STUM: variants seen among roughly 807,000 people sequenced by gnomAD.
The protein encoded by STUM is protein stum homolog.
STUM carries 8 observed loss-of-function variants against 15.3 expected under a neutral mutation model. The ratio of observed to expected loss-of-function variants is 0.52; its 90% CI spans 0.31 to 0.94. The LOEUF (loss-of-function observed/expected upper bound fraction) is 0.94, where lower values mean the gene tolerates loss of function less well. Ranked by LOEUF, STUM falls within the 40% of genes least tolerant of loss-of-function variation. STUM has a pLI of 0.05. For missense variants in STUM, 142 were observed against 204.9 expected (o/e 0.69, Z 1.87); for synonymous variants, 78 against 88.7 (o/e 0.88, Z 0.68).
intron 1 of STUM, among the ~76,000 whole-genome samples, chr1:226,561,773 T>G (rs1249311695): frequency 1.3e-5 from 2 of 152,170 alleles, no homozygotes; most frequent in Non-Finnish European, 2.9e-5. Flanking sequence ...AGGATATTTA[T>G]TTGCATGATT....
chr1:226,595,444 C>T (rs1668163383), intron 1 of STUM, among the ~76,000 whole-genome samples: 1 of 152,158 alleles, frequency 6.6e-6, no homozygotes, highest in East Asian at 1.9e-4. Context: ...GTCTAGGAAC[C>T]CCTCAATCCC....
rs565185195 is a variant in STUM at position 226,590,148 on chromosome 1, G to A, written c.203-6654G>A. On this transcript the variant is annotated intron_variant, in intron 1 of 3. Coordinates refer to ENST00000366788, the MANE Select transcript of STUM (RefSeq NM_001003665.4). ...TTCATGTCCACTTATCCCCTACTTG[G>A]TTATGTCTTCACCCTGTCCCCCGAC... 7.9e-5 allele frequency among the ~76,000 whole-genome samples: 12 copies of A among 151,606 alleles called. No individual in the cohort carries two copies. In the South Asian group the frequency reaches 2.5e-3, roughly 32 times the overall value.
intron 2 of STUM, chr1:226,597,285 T>G: frequency 1.8e-6 from 1 of 563,624 alleles, no homozygotes; most frequent in Non-Finnish European, 3.5e-6. Flanking sequence ...CAAAATCAAG[T>G]TTACCAAAGA....
chr1:226,566,420 C>G (rs977505647), intron 1 of STUM, among the ~76,000 whole-genome samples: 2 of 152,094 alleles, frequency 1.3e-5, no homozygotes, highest in Non-Finnish European at 2.9e-5. Context: ...AGAGATTCAG[C>G]CAGGCTAAAT....
At chr1:226,593,673 C>G (rs967312181) in intron 1 of STUM, among the ~76,000 whole-genome samples, 1 of 152,174 alleles carries the variant, frequency 6.6e-6, no homozygotes, top group Non-Finnish European at 1.5e-5. Flanking sequence ...GGCTGTCCAT[C>G]CGGCGAGAGT....
In STUM at chr1:226,548,814, G is replaced by A; in HGVS notation, c.-91G>A. The A allele has an allele frequency of 9.1e-7, 1 of 1,094,918 alleles. No individual in the cohort carries two copies. The highest frequency in any genetic ancestry group is 1.2e-6 in the Non-Finnish European group (1 of 865,746). 67.8% of individuals were successfully genotyped at this position (1,094,918 alleles called of 1,614,324 possible). On this transcript the variant is annotated 5_prime_UTR_variant, in exon 1 of 4. Transcript: ENST00000366788. ...GGCGGCCGCCTGAGCTCGGCGCGGA[G>A]CCCGGAGCCCGCAGCCGACAGTCTC...
intron 1 of STUM, among the ~76,000 whole-genome samples, chr1:226,550,735 A>C (rs1667361474): frequency 6.6e-6 from 1 of 152,116 alleles, no homozygotes; most frequent in Non-Finnish European, 1.5e-5. Context: ...CAGCCCCAGG[A>C]GACAGCAGCT....
rs546139392 is a variant in STUM at position 226,548,933 on chromosome 1, C to T, written c.29C>T (p.Thr10Met). Residue 10 changes from threonine to methionine, a missense_variant, in exon 1 of 4, where the codon ACG (threonine) becomes ATG (methionine). Physicochemically the swap from Thr to Met is moderately conservative, Grantham distance 81 (BLOSUM62 -1). Transcript: ENST00000366788. MEPSHKDAETAAAAAAVAAA... is the reference protein window; with the variant it reads MEPSHKDAEMAAAAAAVAAA... Reference sequence around the variant, plus strand: ...GAGCCCTCGCACAAAGACGCCGAGACGGCGGCGGCGGCGGCGGCGGTGGCG... The same window carrying T: ...GAGCCCTCGCACAAAGACGCCGAGATGGCGGCGGCGGCGGCGGCGGTGGCG... 7.2e-7 allele frequency: 1 copy of T among 1,394,328 alleles called. No individual in the cohort carries two copies. The highest frequency in any genetic ancestry group is 9.3e-7 in the Non-Finnish European group (1 of 1,074,070). The allele number at this position is 1,394,328 out of a possible 1,614,324, so 86.4% of individuals were successfully genotyped here. A position where few individuals can be genotyped will look rare whatever the true frequency, so the allele number is the denominator to read the frequency against.
At chr1:226,599,994 A>AG (rs1006839156) in intron 2 of STUM, among the ~76,000 whole-genome samples, 1 of 152,234 alleles carries the variant, frequency 6.6e-6, no homozygotes, top group East Asian at 1.9e-4. Context: ...GAAATGGCTA[A>AG]GCACATAGCT....
rs376844920 is a variant in STUM at position 226,567,833 on chromosome 1, A to G, written c.202+18727A>G. On this transcript the variant is annotated intron_variant, in intron 1 of 3. Coordinates refer to ENST00000366788, the MANE Select transcript of STUM (RefSeq NM_001003665.4). The surrounding 1 kb of genome is among the most constrained non-coding windows in gnomAD (Gnocchi z 4.5). ...CACAGCTGAGGGGCTTGAATCATAT[A>G]GAATTATGAATCATAAAGAATTATG... Among the ~76,000 whole-genome samples, 3 of 152,254 alleles carry G rather than the reference A, an allele frequency of 2.0e-5. No individual in the cohort carries two copies. The highest frequency in any genetic ancestry group is 7.2e-5 in the African/African-American group (3 of 41,468).
chr1:226,549,276 G>A lies in STUM; in HGVS notation c.202+170G>A, dbSNP rs949455329. Among the ~76,000 whole-genome samples, 11 of 152,160 alleles carry A rather than the reference G, an allele frequency of 7.2e-5. No individual in the cohort carries two copies. The highest frequency in any genetic ancestry group is 9.6e-5 in the African/African-American group (4 of 41,458). On this transcript the variant is annotated intron_variant, in intron 1 of 3. Transcript: ENST00000366788. The surrounding 1 kb of genome is among the most constrained non-coding windows in gnomAD (Gnocchi z 6.8). ...CCCGGGCAGGTGGCAGAAGCGCGTG[G>A]AGTGTGCACCCCAGAGGGGAGAGGC...
At chr1:226,562,555 T>G (rs1174558131) in intron 1 of STUM, among the ~76,000 whole-genome samples, 1 of 152,076 alleles carries the variant, frequency 6.6e-6, no homozygotes, top group Non-Finnish European at 1.5e-5. Context: ...ACCGACATCA[T>G]GTACCTCCTG....
At chr1:226,575,603 G>T (rs1236426690) in intron 1 of STUM, among the ~76,000 whole-genome samples, 1 of 152,242 alleles carries the variant, frequency 6.6e-6, no homozygotes, top group Non-Finnish European at 1.5e-5. Flanking sequence ...AGAAGACGGG[G>T]CAAAGGCCCA....
intron 1 of STUM, among the ~76,000 whole-genome samples, chr1:226,591,871 G>A (rs1229453762): frequency 6.6e-6 from 1 of 152,090 alleles, no homozygotes; most frequent in Non-Finnish European, 1.5e-5. Flanking sequence ...TGAGGCCACA[G>A]CCACAAAGAG....
Position 226,602,791 on chromosome 1 carries a change from G to A in STUM, c.*751G>A, listed in dbSNP as rs893837224. ...TTATACACAAAGTTATTAGACTGAAGCAGGAGTGGGCAGACTAGCAGGCTT... is the reference window on the plus strand; with the variant it reads ...TTATACACAAAGTTATTAGACTGAAACAGGAGTGGGCAGACTAGCAGGCTT... On this transcript the variant is annotated 3_prime_UTR_variant, in exon 4 of 4. Transcript: ENST00000366788. 3.3e-5 allele frequency: 5 copies of A among 152,234 alleles called. No homozygotes were observed. Among genetic ancestry groups the A allele is most frequent in the Non-Finnish European group, 7.3e-5 (5 of 68,054 alleles). 9.4% of individuals were successfully genotyped at this position (152,234 alleles called of 1,614,324 possible).
intron 1 of STUM, among the ~76,000 whole-genome samples, chr1:226,589,676 T>C (rs1668054198): frequency 1.3e-5 from 2 of 152,180 alleles, no homozygotes; most frequent in Non-Finnish European, 2.9e-5. Flanking sequence ...ATACAGTTCA[T>C]TACCATCATT....
intron 1 of STUM, among the ~76,000 whole-genome samples, chr1:226,561,197 C>T (rs1341976396): frequency 2.0e-5 from 3 of 152,154 alleles, no homozygotes; most frequent in Non-Finnish European, 4.4e-5. Flanking sequence ...TATGGGAAAT[C>T]GTCTCCTTGA....
rs3832011 is a variant in STUM at position 226,608,516 on chromosome 1, GT to G, written c.*6478del. 6.6e-6 allele frequency: 1 copy of G among 152,238 alleles called. No homozygotes were observed. Among genetic ancestry groups the G allele is most frequent in the East Asian group, 1.9e-4 (1 of 5,168 alleles). The allele number at this position is 152,238 out of a possible 1,614,324, so 9.4% of individuals were successfully genotyped here. The stretch of plus-strand genomic sequence containing the variant: ...CAACTTAATTTGCATATGAATGAGT[GT>G]TGTGTTGTGATTTGCAGTGTTTTGA... On this transcript the variant is annotated 3_prime_UTR_variant, in exon 4 of 4. Transcript: ENST00000366788. The surrounding 1 kb of genome is among the most constrained non-coding windows in gnomAD (Gnocchi z 4.0).
intron 1 of STUM, among the ~76,000 whole-genome samples, chr1:226,590,680 C>T (rs1162609404): frequency 2.0e-5 from 3 of 152,202 alleles, no homozygotes; most frequent in East Asian, 3.8e-4. Context: ...TCCATGTGAA[C>T]GGCCAGGCCA....
Sources: allele counts gnomAD v4.1 joint callset (sites outside exome capture counted in the v4.1 genomes callset), GRCh38; gene constraint gnomAD v4.1.1; non-coding constraint Gnocchi (gnomAD v3.1); transcripts MANE v1.5; gene names NCBI Gene and HGNC (gene_info 2026-07-23, HGNC 2026-07-21).